The following SULF1 variants were observed in gnomAD, a reference collection of about 807,000 sequenced individuals.
SULF1 encodes sulfatase 1.
Under a neutral mutation model 110.5 loss-of-function variants are expected in SULF1, and 46 were observed. That is an observed-to-expected ratio of 0.42 (90% CI 0.33 to 0.53). The LOEUF is 0.53. SULF1 is among the 20% of genes least tolerant of loss of function. The probability of loss-of-function intolerance (pLI) is 0.12; values close to 1 mark genes in which losing one functional copy is unlikely to be tolerated. For missense variants in SULF1, 941 were observed against 1,094.2 expected, an observed-to-expected ratio of 0.86 and a Z score of 1.98; for synonymous variants, 371 against 387.1, an observed-to-expected ratio of 0.96 and a Z score of 0.49.
intron 13 of SULF1, among the ~76,000 whole-genome samples, chr8:69,615,958 A>G (rs1417326673): frequency 6.6e-6 from 1 of 152,100 alleles, no homozygotes; most frequent in Non-Finnish European, 1.5e-5. Context: ...TTTTCACTAT[A>G]GTCATGTGCT....
At chr8:69,554,895 C>T (rs1279700235) in intron 3 of SULF1, among the ~76,000 whole-genome samples, 2 of 139,394 alleles carry the variant, frequency 1.4e-5, no homozygotes, top group East Asian at 2.3e-4. Context: ...AGGAGAATGG[C>T]GCGAACCTGG....
At chr8:69,654,520 C>T (rs1812574243) in intron 22 of SULF1, among the ~76,000 whole-genome samples, 1 of 152,214 alleles carries the variant, frequency 6.6e-6, no homozygotes, top group Non-Finnish European at 1.5e-5. Flanking sequence ...CCCTATCAGG[C>T]CCTTAGGAAT....
chr8:69,519,935 A>C (rs755004247), intron 3 of SULF1, among the ~76,000 whole-genome samples: 3 of 152,202 alleles, frequency 2.0e-5, no homozygotes, highest in Non-Finnish European at 4.4e-5. Context: ...TTTCACATTA[A>C]AGGTTTCTTT....
Position 69,604,842 on chromosome 8 carries a change from C to A in SULF1, c.1287C>A (p.Ile429=), listed in dbSNP as rs1403658903. 1 of 1,614,152 alleles carries A rather than the reference C, an allele frequency of 6.2e-7. No homozygotes were observed. Among genetic ancestry groups the A allele is most frequent in the African/African-American group, 1.3e-5 (1 of 75,030 alleles). ...LRKKEESSKN[I]QQSNHLPKYE... ...AGAAGGAAGAATCCAGCAAGAATAT[C>A]CAACAGTCAAATCACTTGCCCAAAT... Residue 429 remains isoleucine (I), a synonymous_variant, in exon 13 of 23, where the codon ATC becomes ATA. Transcript: ENST00000402687.
intron 5 of SULF1, among the ~76,000 whole-genome samples, chr8:69,571,746 AT>A (rs971593666): frequency 6.6e-6 from 1 of 152,182 alleles, no homozygotes; most frequent in African/African-American, 2.4e-5. Flanking sequence ...TTACAGAATC[AT>A]TTTTAGTAAG....
intron 22 of SULF1, among the ~76,000 whole-genome samples, chr8:69,653,999 A>G (rs1041644577): frequency 2.0e-5 from 3 of 152,200 alleles, no homozygotes; most frequent in African/African-American, 7.2e-5. Flanking sequence ...ATTCTGTCAT[A>G]TGAAAATACC....
At chr8:69,467,431 A>G (rs1359473222) in intron 1 of SULF1, among the ~76,000 whole-genome samples, 2 of 152,230 alleles carry the variant, frequency 1.3e-5, no homozygotes, top group Non-Finnish European at 2.9e-5. Context: ...TTTATGACAG[A>G]GCAAAGGGTG....
At chr8:69,480,564 C>G (rs191216174) in intron 1 of SULF1, among the ~76,000 whole-genome samples, 6 of 152,170 alleles carry the variant, frequency 3.9e-5, no homozygotes, top group Admixed American at 3.9e-4. Flanking sequence ...TTCTTCATAG[C>G]TTAATAAATT....
chr8:69,502,424 G>T (rs1463206384), intron 3 of SULF1, among the ~76,000 whole-genome samples: 1 of 152,124 alleles, frequency 6.6e-6, no homozygotes, highest in East Asian at 1.9e-4. Context: ...AAACATTAGT[G>T]CCAAGAGCTT....
chr8:69,651,051 C>CTTT lies in SULF1; in HGVS notation c.2586-7452_2586-7450dup, dbSNP rs111556401. 6.0e-4 allele frequency among the ~76,000 whole-genome samples: 81 copies of CTTT among 134,180 alleles called. 1 individual carries two copies. The highest frequency in any genetic ancestry group is 1.0e-3 in the Non-Finnish European group (61 of 60,946). The allele number at this position is 134,180 out of a possible 152,430, so 88.0% of individuals were successfully genotyped here. On this transcript the variant is annotated intron_variant, in intron 22 of 22. Coordinates refer to ENST00000402687, the MANE Select transcript of SULF1 (RefSeq NM_001128205.2). ...TCTATCAACATCTATTCTTTTTTTTCTTTTCTTTTTTTTTTTTTTTGAGAC... is the reference window on the plus strand; with the variant it reads ...TCTATCAACATCTATTCTTTTTTTTCTTTTTTTCTTTTTTTTTTTTTTTGAGAC...
upstream of SULF1, among the ~76,000 whole-genome samples, chr8:69,488,223 A>G (rs1323460573): frequency 2.0e-5 from 3 of 152,234 alleles, no homozygotes; most frequent in Non-Finnish European, 4.4e-5. Context: ...TGATGGCAAA[A>G]AAAAAGATCC....
At chr8:69,653,219 G>A (rs1193762556) in intron 22 of SULF1, among the ~76,000 whole-genome samples, 1 of 152,084 alleles carries the variant, frequency 6.6e-6, no homozygotes, top group African/African-American at 2.4e-5. Flanking sequence ...ACAGGCGTGT[G>A]CCACCACACT....
At chr8:69,517,827 G>C (rs1193913316) in intron 3 of SULF1, among the ~76,000 whole-genome samples, 1 of 152,094 alleles carries the variant, frequency 6.6e-6, no homozygotes, top group Non-Finnish European at 1.5e-5. Flanking sequence ...CATTACCACA[G>C]ACCACAATCA....
At chr8:69,554,392 C>T (rs1393564671) in intron 3 of SULF1, among the ~76,000 whole-genome samples, 1 of 147,584 alleles carries the variant, frequency 6.8e-6, no homozygotes, top group Admixed American at 6.8e-5. Flanking sequence ...ATATAAGTAA[C>T]ACTTTAGGAT....
chr8:69,622,921 A>C (rs1218651478), intron 14 of SULF1, among the ~76,000 whole-genome samples: 2 of 152,198 alleles, frequency 1.3e-5, no homozygotes, highest in Non-Finnish European at 2.9e-5. Context: ...GATTCAGCTG[A>C]GAGGTGTCTC....
chr8:69,603,401 A>T, intron 11 of SULF1, 81 bp downstream of exon 11: 1 of 1,602,302 alleles, frequency 6.2e-7, no homozygotes, highest in Non-Finnish European at 8.5e-7. Flanking sequence ...GCAGCTGAAG[A>T]CATGGAGGCA....
intron 17 of SULF1, 52 bp downstream of exon 17, chr8:69,627,918 C>T (rs1038440225): frequency 1.4e-6 from 2 of 1,392,664 alleles, no homozygotes; most frequent in Non-Finnish European, 2.0e-6. Context: ...TCCGCACAAG[C>T]CAGAGGCATT....
rs1284069311 is a variant in SULF1 at position 69,660,565 on chromosome 8, T to G, written c.*2030T>G. On this transcript the variant is annotated 3_prime_UTR_variant, in exon 23 of 23. Coordinates refer to ENST00000402687, the MANE Select transcript of SULF1 (RefSeq NM_001128205.2). ...GGTTTTCTTCTTATTTTTAGATAAT[T>G]CAAGTGCTTAGATAAATTATGTTTT... is the stretch of plus-strand genomic sequence containing the variant. The G allele has an allele frequency of 6.6e-6, 1 of 152,650 alleles. No homozygotes were observed. The highest frequency in any genetic ancestry group is 1.5e-5 in the Non-Finnish European group (1 of 68,038). 9.5% of individuals were successfully genotyped at this position (152,650 alleles called of 1,614,324 possible).
chr8:69,484,825 C>CACT (rs1554557583), intron 1 of SULF1, among the ~76,000 whole-genome samples: 1 of 148,832 alleles, frequency 6.7e-6, no homozygotes, highest in African/African-American at 2.5e-5. Context: ...TTTCATCTTC[C>CACT]TCTTCTTCTT....
Sources: allele counts gnomAD v4.1 joint callset (sites outside exome capture counted in the v4.1 genomes callset), GRCh38; gene constraint gnomAD v4.1.1; transcripts MANE v1.5; gene names NCBI Gene and HGNC (gene_info 2026-07-23, HGNC 2026-07-21).